BAHCC1: variants seen among roughly 807,000 people sequenced by gnomAD.
BAHCC1 encodes BAH and coiled-coil domain-containing protein 1.
A neutral mutation model predicts 88.2 loss-of-function variants in BAHCC1; 43 were observed. That is an observed-to-expected ratio of 0.49 (90% CI 0.38 to 0.63). The LOEUF (loss-of-function observed/expected upper bound fraction) is 0.63, where lower values mean the gene tolerates loss of function less well. Ranked by LOEUF, BAHCC1 falls within the 20% of genes least tolerant of loss-of-function variation. The pLI, the probability that BAHCC1 is intolerant of heterozygous loss-of-function variation, is 0.00. For missense variants in BAHCC1, 3,023 were observed against 1,654.8 expected, an observed-to-expected ratio of 1.83 and a Z score of -14.34; for synonymous variants, 1,510 against 745.5, an observed-to-expected ratio of 2.03 and a Z score of -16.71.
At chr17:81,398,728 C>T (rs573879624) in intron 1 of BAHCC1, among the ~76,000 whole-genome samples, 11 of 152,092 alleles carry the variant, frequency 7.2e-5, no homozygotes, top group African/African-American at 2.2e-4. Flanking sequence ...GACAGCAGGC[C>T]GGGCACTGCG....
At position 81,443,867 on chromosome 17, in the gene BAHCC1, G is replaced by A. The variant is rs369219361; in HGVS notation, c.2274G>A (p.Thr758=). The A allele has an allele frequency of 3.8e-5, 27 of 714,202 alleles. No homozygotes were observed. The highest frequency in any genetic ancestry group is 2.1e-4 in the African/African-American group (12 of 57,398). The allele number at this position is 714,202 out of a possible 1,614,324, so 44.2% of individuals were successfully genotyped here. The change falls in exon 6 of 28, where the codon ACG becomes ACA. Residue 758 remains threonine, a synonymous_variant. Transcript: ENST00000675386. ...ACCTGGAGGCTGAGGAGGAGAGGAC[G>A]AGGCTATGTGATGACCGCCTGGGGC... The part of the protein sequence containing the change: ...ALDLEAEEER[T]RLCDDRLGLA...
At chr17:81,415,849 G>A (rs894764282) in intron 2 of BAHCC1, among the ~76,000 whole-genome samples, 2 of 152,240 alleles carry the variant, frequency 1.3e-5, no homozygotes, top group Non-Finnish European at 2.9e-5. Flanking sequence ...CAGCTCTGGG[G>A]GCTGCAACTA....
At chr17:81,458,499 G>A (rs2029933701) in intron 18 of BAHCC1, 33 bp downstream of exon 18, 1 of 672,824 alleles carries the variant, frequency 1.5e-6, no homozygotes. Context: ...TGGGCGGAGA[G>A]GGTGGGTGCC....
At position 81,460,303 on chromosome 17, in the gene BAHCC1, C is replaced by G. The variant is rs372730747; in HGVS notation, c.5932C>G (p.Leu1978Val). 1 of 775,792 alleles carries G rather than the reference C, an allele frequency of 1.3e-6. No homozygotes were observed. The highest frequency in any genetic ancestry group is 1.7e-5 in the African/African-American group (1 of 59,036). 48.1% of individuals were successfully genotyped at this position (775,792 alleles called of 1,614,324 possible). A position where few individuals can be genotyped will look rare whatever the true frequency, so the allele number is the denominator to read the frequency against. Residue 1978 changes from leucine (L) to valine (V), a missense_variant, in exon 24 of 28, where the codon CTG becomes GTG. By Grantham distance (32) the Leu-to-Val change is conservative. Coordinates refer to ENST00000675386, the MANE Select transcript of BAHCC1 (RefSeq NM_001377448.1). Reference sequence around the variant, plus strand: ...GGCCTCCGGTGACGAAGATGAGGACCTGGACTCAGTAGTGGTGGAATTTGA... The same window carrying G: ...GGCCTCCGGTGACGAAGATGAGGACGTGGACTCAGTAGTGGTGGAATTTGA... ...RGASGDEDED[L>V]DSVVVEFDDG...
At chr17:81,454,494 G>C (rs2064706900) in intron 14 of BAHCC1, among the ~76,000 whole-genome samples, 1 of 152,130 alleles carries the variant, frequency 6.6e-6, no homozygotes, top group Admixed American at 6.5e-5. Flanking sequence ...CCGGCAACGG[G>C]GTCCCTGGGG....
chr17:81,460,395 G>A lies in BAHCC1; in HGVS notation c.6024G>A (p.Gln2008=). 1 of 761,722 alleles carries A rather than the reference G, an allele frequency of 1.3e-6. No individual in the cohort carries two copies. Among genetic ancestry groups the A allele is most frequent in the Non-Finnish European group, 2.4e-6 (1 of 409,340 alleles). The allele number at this position is 761,722 out of a possible 1,614,324, so 47.2% of individuals were successfully genotyped here. A position where few individuals can be genotyped will look rare whatever the true frequency, so the allele number is the denominator to read the frequency against. The change falls in exon 24 of 28, where the codon CAG becomes CAA. Residue 2008 remains glutamine (Q), a splice_region_variant and synonymous_variant. Coordinates refer to ENST00000675386, the MANE Select transcript of BAHCC1 (RefSeq NM_001377448.1). ...TGCTGCCCCCTGACTTCAAGATCCA[G>A]TGTGAGCCTGGGAGCTGCACGGGGC... The part of the protein sequence containing the change: ...VRLLPPDFKI[Q]CTEPSPALLV...
At chr17:81,453,842 C>A (rs1226296061) in intron 14 of BAHCC1, among the ~76,000 whole-genome samples, 5 of 152,288 alleles carry the variant, frequency 3.3e-5, no homozygotes, top group Non-Finnish European at 5.9e-5. Flanking sequence ...GCAGTGGTGG[C>A]AGAGGCAGTT....
At chr17:81,429,954 G>A (rs1035454530) in intron 3 of BAHCC1, among the ~76,000 whole-genome samples, 4 of 152,314 alleles carry the variant, frequency 2.6e-5, no homozygotes, top group East Asian at 1.9e-4. Context: ...GAGGCAGCCC[G>A]GAGCTGGAGG....
chr17:81,400,976 AGTTT>A (rs1288858455), intron 2 of BAHCC1: 2 of 152,460 alleles, frequency 1.3e-5, no homozygotes, highest in African/African-American at 2.4e-5. Flanking sequence ...TTTTGTTTAC[AGTTT>A]GTTCTAAACA....
chr17:81,451,289 A>C, intron 11 of BAHCC1: 1 of 219,822 alleles, frequency 4.5e-6, no homozygotes, highest in East Asian at 1.2e-4. Flanking sequence ...GCCCCAGAGT[A>C]TCCCTTCCCA....
intron 4 of BAHCC1, among the ~76,000 whole-genome samples, chr17:81,438,822 G>T (rs2064373336): frequency 6.6e-6 from 1 of 152,160 alleles, no homozygotes; most frequent in East Asian, 1.9e-4. Flanking sequence ...TTGCCCTGCA[G>T]CCCCCAGCAG....
chr17:81,444,718 T>C lies in BAHCC1; in HGVS notation c.2563T>C (p.Ser855Pro). Residue 855 changes from serine (S) to proline (P), a missense_variant, in exon 8 of 28, where the codon TCC (serine) becomes CCC (proline). Ser to Pro is a moderately conservative substitution (Grantham distance 74, BLOSUM62 -1). Transcript: ENST00000675386. ...GAACCTGCCCCCCGGCTTCCCCGCC[T>C]CCGTGGCTGGCCCTGTGCCCTCTGT... ...HQNLPPGFPA[S>P]VAGPVPSVFP... is the part of the protein sequence containing the mutation. 1.3e-6 allele frequency: 1 copy of C among 777,710 alleles called. No individual in the cohort carries two copies. The highest frequency in any genetic ancestry group is 2.4e-6 in the Non-Finnish European group (1 of 417,582). 48.2% of individuals were successfully genotyped at this position (777,710 alleles called of 1,614,324 possible).
chr17:81,410,115 G>A (rs1555647592), intron 2 of BAHCC1: 2 of 315,550 alleles, frequency 6.3e-6, no homozygotes, highest in South Asian at 4.5e-5. Context: ...GGATGCAGTT[G>A]TGGCCCCGGT....
At position 81,442,602 on chromosome 17, in the gene BAHCC1, G is replaced by A. The variant is rs782550650; in HGVS notation, c.1253G>A (p.Gly418Glu). ...FQAAEACAVAGEGKDRHLEGT... is the reference protein window; with the variant it reads ...FQAAEACAVAEEGKDRHLEGT... ...GCCGCCGAGGCCTGTGCCGTGGCAG[G>A]GGAGGGCAAGGACCGGCACCTGGAG... Residue 418 changes from glycine to glutamate, a missense_variant, in exon 5 of 28, where the codon GGG becomes GAG. By Grantham distance (98) the Gly-to-Glu change is moderately conservative (BLOSUM62 -2). Coordinates refer to ENST00000675386, the MANE Select transcript of BAHCC1 (RefSeq NM_001377448.1). 1.3e-6 allele frequency: 1 copy of A among 775,322 alleles called. No individual in the cohort carries two copies. Among genetic ancestry groups the A allele is most frequent in the Non-Finnish European group, 2.4e-6 (1 of 415,740 alleles). The allele number at this position is 775,322 out of a possible 1,614,324, so 48.0% of individuals were successfully genotyped here.
At chr17:81,416,417 T>C (rs868939359) in intron 2 of BAHCC1, among the ~76,000 whole-genome samples, 5 of 93,994 alleles carry the variant, frequency 5.3e-5, no homozygotes, top group Middle Eastern at 8.1e-3. Flanking sequence ...TGTATGTGTG[T>C]CCATGAGGGT....
chr17:81,419,259 AC>A (rs1555649272), intron 2 of BAHCC1, among the ~76,000 whole-genome samples: 1 of 151,526 alleles, frequency 6.6e-6, no homozygotes. Flanking sequence ...TGGTCTCCCC[AC>A]CCCGTCCCTC....
Position 81,447,462 on chromosome 17 carries a change from G to A in BAHCC1, c.3590G>A (p.Gly1197Glu), listed in dbSNP as rs2064552090. The A allele has an allele frequency of 2.7e-6, 2 of 741,334 alleles. No homozygotes were observed. The highest frequency in any genetic ancestry group is 5.0e-6 in the Non-Finnish European group (2 of 398,896). 45.9% of individuals were successfully genotyped at this position (741,334 alleles called of 1,614,324 possible). ...GAGGGGGAGCAGGGGCCCTCGTCAG[G>A]GGCCTCCTCCCAAGTCCTGGAGCAG... ...REEGEQGPSS[G>E]ASSQVLEQRA... The change falls in exon 11 of 28, where the codon GGG becomes GAG. Residue 1197 changes from glycine (G) to glutamate (E), a missense_variant. Coordinates refer to ENST00000675386, the MANE Select transcript of BAHCC1 (RefSeq NM_001377448.1).
chr17:81,461,048 A>T lies in BAHCC1; in HGVS notation c.6385A>T (p.Ser2129Cys), dbSNP rs1555659100. Residue 2129 changes from serine (S) to cysteine (C), a missense_variant, in exon 26 of 28, where the codon AGC (serine) becomes TGC (cysteine). By Grantham distance (112) the Ser-to-Cys change is moderately radical. Transcript: ENST00000675386. ...LQNLFQLNGS[S>C]KKLRAREALF... is the part of the protein sequence containing the mutation. ...GAACCTCTTCCAGCTCAACGGCAGC[A>T]GCAAGAAGCTGCGGGCCCGCGAGGC... 1.3e-6 allele frequency: 1 copy of T among 772,430 alleles called. No homozygotes were observed. Among genetic ancestry groups the T allele is most frequent in the Non-Finnish European group, 2.4e-6 (1 of 417,080 alleles). 47.8% of individuals were successfully genotyped at this position (772,430 alleles called of 1,614,324 possible).
chr17:81,420,830 C>T (rs1254632323), intron 2 of BAHCC1, among the ~76,000 whole-genome samples: 1 of 152,276 alleles, frequency 6.6e-6, no homozygotes, highest in African/African-American at 2.4e-5. Context: ...CATGCTGCCT[C>T]CTGTGATGAG....
Sources: gnomAD v4.1 joint callset for allele counts (sites outside exome capture counted in the v4.1 genomes callset) on GRCh38, gnomAD v4.1.1 for gene constraint, MANE v1.5 for transcripts, NCBI Gene and HGNC (gene_info 2026-07-23, HGNC 2026-07-21) for gene names.